The following GABRB3 variants were observed in gnomAD, a reference collection of about 807,000 sequenced individuals.
The protein encoded by GABRB3 is gamma-aminobutyric acid type A receptor subunit beta3, also known as gamma-aminobutyric acid receptor subunit beta-3.
GABRB3 carries 14 observed loss-of-function variants against 52.1 expected under a neutral mutation model. The observed-to-expected ratio is 0.27, with a 90% CI of 0.18 to 0.42. The LOEUF (loss-of-function observed/expected upper bound fraction) is 0.42. GABRB3 is among the 10% of genes least tolerant of loss of function. GABRB3 has a pLI of 1.00. For missense variants in GABRB3, 307 were observed against 609.1 expected (o/e 0.50, Z 5.22); for synonymous variants, 260 against 232.3 (o/e 1.12, Z -1.08).
At chr15:26,686,028 C>G (rs1888394304) in intron 3 of GABRB3, among the ~76,000 whole-genome samples, 1 of 151,996 alleles carries the variant, frequency 6.6e-6, no homozygotes, top group Non-Finnish European at 1.5e-5. Flanking sequence ...TCCGGCTGGT[C>G]TCGAATTCCT....
intron 4 of GABRB3, chr15:26,614,380 T>A (rs1032667877): frequency 6.6e-6 from 1 of 151,750 alleles, no homozygotes; most frequent in Non-Finnish European, 1.5e-5. Context: ...TTAAAGTGAG[T>A]CAGGCAATCT....
intron 3 of GABRB3, among the ~76,000 whole-genome samples, chr15:26,732,331 T>C (rs1381430280): frequency 2.8e-5 from 4 of 145,344 alleles, no homozygotes; most frequent in Non-Finnish European, 4.5e-5. Context: ...GATGGATGGA[T>C]GGATGGACGG....
intron 8 of GABRB3, among the ~76,000 whole-genome samples, chr15:26,558,850 AG>A (rs1258527410): frequency 6.7e-6 from 1 of 150,254 alleles, no homozygotes; most frequent in Non-Finnish European, 1.5e-5. Context: ...AAAAAAAAAA[AG>A]AAAGAAAGAA....
chr15:26,758,431 C>G (rs748475350), intron 3 of GABRB3, among the ~76,000 whole-genome samples: 1 of 151,960 alleles, frequency 6.6e-6, no homozygotes, highest in Non-Finnish European at 1.5e-5. Flanking sequence ...CTCAGAGATG[C>G]GATAAAAAGA....
At chr15:26,602,062 A>C (rs1448496686) in intron 4 of GABRB3, among the ~76,000 whole-genome samples, 2 of 152,216 alleles carry the variant, frequency 1.3e-5, no homozygotes, top group African/African-American at 2.4e-5. Context: ...AAGGAATGGA[A>C]GAAGATACTC....
intron 7 of GABRB3, among the ~76,000 whole-genome samples, chr15:26,566,997 T>G (rs1200427146): frequency 1.3e-5 from 2 of 152,228 alleles, no homozygotes; most frequent in Non-Finnish European, 2.9e-5. Context: ...AGAATAATGT[T>G]TCTGAAAATA....
At chr15:26,606,809 GATAGATA>G (rs1566770744) in intron 4 of GABRB3, among the ~76,000 whole-genome samples, 1 of 72,620 alleles carries the variant, frequency 1.4e-5, no homozygotes, top group Non-Finnish European at 3.1e-5. Context: ...TATATCTATA[GATAGATA>G]GATAGATAGA....
Position 26,554,041 on chromosome 15 carries a change from T to TTATATATATATATATATATATATATA in GABRB3, c.1081-5908_1081-5907insTATATATATATATATATATATATATA, listed in dbSNP as rs1555400774. Among the ~76,000 whole-genome samples, 2 of 62,106 alleles carry TTATATATATATATATATATATATATA rather than the reference T, an allele frequency of 3.2e-5. 1 individual carries two copies. The highest frequency in any genetic ancestry group is 1.2e-4 in the African/African-American group (2 of 16,092). 40.7% of individuals were successfully genotyped at this position (62,106 alleles called of 152,430 possible). On this transcript the variant is annotated intron_variant, in intron 8 of 8. Transcript: ENST00000311550. ...ACTATTTATATATATATATATTTAT[T>TTATATATATATATATATATATATATA]TATTTATATTTATTTATATATAAAG...
chr15:26,719,250 A>G (rs1889581968), intron 3 of GABRB3, among the ~76,000 whole-genome samples: 1 of 152,236 alleles, frequency 6.6e-6, no homozygotes, highest in Admixed American at 6.5e-5. Context: ...TGTGGGACCA[A>G]CTAAAGAGTG....
chr15:26,763,015 C>G (rs1890861704), intron 3 of GABRB3, among the ~76,000 whole-genome samples: 2 of 152,224 alleles, frequency 1.3e-5, no homozygotes, highest in Non-Finnish European at 2.9e-5. Context: ...ATCGCACAAT[C>G]AATCCAGGTC....
At chr15:26,755,005 C>CTTTTT (rs5811447) in intron 3 of GABRB3, among the ~76,000 whole-genome samples, 9 of 139,180 alleles carry the variant, frequency 6.5e-5, no homozygotes, top group Admixed American at 1.5e-4. Context: ...CCTCTAACAA[C>CTTTTT]TTTTTTTTTT....
chr15:26,682,651 C>T (rs565147408), intron 3 of GABRB3, among the ~76,000 whole-genome samples: 178 of 152,340 alleles, frequency 1.2e-3, no homozygotes, highest in Admixed American at 2.0e-3. Flanking sequence ...GAGGTCACAT[C>T]CCTTGCACCT....
At chr15:26,636,185 A>G (rs1255808315) in intron 3 of GABRB3, among the ~76,000 whole-genome samples, 2 of 152,230 alleles carry the variant, frequency 1.3e-5, no homozygotes, top group Non-Finnish European at 2.9e-5. Flanking sequence ...ATTGGAGAAT[A>G]ACAGCACCTT....
chr15:26,605,084 T>C (rs1891734892), intron 4 of GABRB3, among the ~76,000 whole-genome samples: 2 of 151,962 alleles, frequency 1.3e-5, no homozygotes, highest in African/African-American at 4.8e-5. Flanking sequence ...AAAGTGTCAT[T>C]AATTAAAACA....
At chr15:26,765,781 A>G (rs151160264) in intron 3 of GABRB3, among the ~76,000 whole-genome samples, 1 of 152,316 alleles carries the variant, frequency 6.6e-6, no homozygotes, top group Non-Finnish European at 1.5e-5. Context: ...GGAAAGAATA[A>G]GTTTTCACAG....
At chr15:26,606,518 T>C (rs2140508954) in intron 4 of GABRB3, among the ~76,000 whole-genome samples, 1 of 152,188 alleles carries the variant, frequency 6.6e-6, no homozygotes, top group Admixed American at 6.5e-5. Flanking sequence ...ACAATAAAGC[T>C]ATATATGATA....
intron 3 of GABRB3, among the ~76,000 whole-genome samples, chr15:26,770,790 A>G (rs1891123427): frequency 6.6e-6 from 1 of 152,264 alleles, no homozygotes; most frequent in African/African-American, 2.4e-5. Context: ...AGAAAATCAC[A>G]GATCACACAG....
chr15:26,553,521 C>T (rs1428974615), intron 8 of GABRB3: 1 of 152,040 alleles, frequency 6.6e-6, no homozygotes, highest in African/African-American at 2.4e-5. Flanking sequence ...AATCGTTTTC[C>T]TGAAGACAGA....
intron 3 of GABRB3, among the ~76,000 whole-genome samples, chr15:26,656,167 G>A (rs1364319676): frequency 1.3e-5 from 2 of 152,102 alleles, no homozygotes; most frequent in Non-Finnish European, 2.9e-5. Context: ...GTCCCGAGCT[G>A]AGCTTTGTCA....
Sources: gnomAD v4.1 joint callset for allele counts (sites outside exome capture counted in the v4.1 genomes callset) on GRCh38, gnomAD v4.1.1 for gene constraint, MANE v1.5 for transcripts, NCBI Gene and HGNC (gene_info 2026-07-23, HGNC 2026-07-21) for gene names.